The following RPL7A variants were observed in gnomAD, a reference collection of about 807,000 sequenced individuals.
RPL7A encodes large ribosomal subunit protein eL8.
For missense variants in RPL7A, 291 were observed against 338.2 expected (o/e 0.86, Z 1.09); for synonymous variants, 158 against 128.2 (o/e 1.23, Z -1.57).
rs2129987098 is a variant in RPL7A at position 133,349,541 on chromosome 9, T to A, written c.125-10T>A. 3 of 1,614,084 alleles carry A rather than the reference T, an allele frequency of 1.9e-6. No individual in the cohort carries two copies. Among genetic ancestry groups the A allele is most frequent in the Non-Finnish European group, 2.5e-6 (3 of 1,179,954 alleles). On this transcript the variant is annotated splice_polypyrimidine_tract_variant and intron_variant, in intron 2 of 7. Coordinates refer to ENST00000323345, the MANE Select transcript of RPL7A (RefSeq NM_000972.3). ...TTGAGCCTCACTCGGTGTCACCCTTTACTTCTCAGGACAGGACATCCAGCC... is the reference window on the plus strand; with the variant it reads ...TTGAGCCTCACTCGGTGTCACCCTTAACTTCTCAGGACAGGACATCCAGCC...
intron 1 of RPL7A, chr9:133,348,523 C>T: frequency 3.3e-6 from 2 of 602,730 alleles, no homozygotes; most frequent in Non-Finnish European, 5.9e-6. Flanking sequence ...CAGTGCGGGG[C>T]TCGGAGCCCT....
At chr9:133,351,189 T>C (rs1467912544) in intron 7 of RPL7A, 73 bp from the exon 8 acceptor site, 1 of 1,549,830 alleles carries the variant, frequency 6.5e-7, no homozygotes, top group East Asian at 2.3e-5. Flanking sequence ...CCAAACAGAA[T>C]TAACGCAACT....
At chr9:133,348,723 C>A in intron 1 of RPL7A, 199 bp from the exon 2 acceptor site, 1 of 833,134 alleles carries the variant, frequency 1.2e-6, no homozygotes, top group Non-Finnish European at 2.0e-6. Flanking sequence ...ACTCGGGGTT[C>A]CCGGGGCTGC....
rs1273979871 is a variant in RPL7A at position 133,350,229 on chromosome 9, G to T, written c.416-11G>T. On this transcript the variant is annotated splice_polypyrimidine_tract_variant and intron_variant, in intron 4 of 7. Transcript: ENST00000323345. ...CCCTGTGAGTGCTCACAAAGTGGTT[G>T]TGTGTTCTAGGAGTTAACACCGTCA... The T allele has an allele frequency of 1.9e-6, 3 of 1,613,886 alleles. No individual in the cohort carries two copies. Among genetic ancestry groups the T allele is most frequent in the East Asian group, 2.2e-5 (1 of 44,880 alleles).
Position 133,349,852 on chromosome 9 carries a change from T to C in RPL7A, c.275-60T>C, listed in dbSNP as rs1022293807. 1.9e-6 allele frequency: 3 copies of C among 1,597,272 alleles called. No individual in the cohort carries two copies. In the East Asian group the frequency reaches 6.7e-5, roughly 36 times the overall value. ...CCGCAGTCCAGCATTTGTTATTAAG[T>C]GTTAAGTGACAAGGATTAGAACCTT... On this transcript the variant is annotated intron_variant, in intron 3 of 7. Transcript: ENST00000323345.
At chr9:133,348,550 G>C in intron 1 of RPL7A, 2 of 595,250 alleles carry the variant, frequency 3.4e-6, no homozygotes, top group Non-Finnish European at 6.0e-6. Flanking sequence ...TCTCGGGCTT[G>C]CTGGGGGCCG....
In RPL7A at chr9:133,349,960, A is replaced by G; in HGVS notation, c.323A>G (p.Gln108Arg). The change falls in exon 4 of 8, where the codon CAA becomes CGA. Residue 108 changes from glutamine (Q) to arginine (R), a missense_variant. Physicochemically the swap from Gln to Arg is conservative, Grantham distance 43. Transcript: ENST00000323345. ...CACAAGTACAGACCAGAGACAAAGC[A>G]AGAGAAGAAGCAGAGACTGTTGGCC... The part of the protein sequence containing the change: ...LAHKYRPETK[Q>R]EKKQRLLARA... 1 of 1,612,052 alleles carries G rather than the reference A, an allele frequency of 6.2e-7. No homozygotes were observed. The highest frequency in any genetic ancestry group is 1.1e-5 in the South Asian group (1 of 91,000).
chr9:133,348,229 C>T lies in RPL7A; in HGVS notation c.-15C>T, dbSNP rs1229339928. On this transcript the variant is annotated 5_prime_UTR_variant, in exon 1 of 8. Coordinates refer to ENST00000323345, the MANE Select transcript of RPL7A (RefSeq NM_000972.3). ...CACAATTCCCTTTCCTTTCTCTCTC[C>T]TCCCGCCGCCCAAGATGGTGAGTGA... 3 of 1,614,006 alleles carry T rather than the reference C, an allele frequency of 1.9e-6. No homozygotes were observed. Among genetic ancestry groups the T allele is most frequent in the Non-Finnish European group, 2.5e-6 (3 of 1,180,006 alleles).
In RPL7A at chr9:133,350,034, C is replaced by G. The variant is rs2129990815; in HGVS notation, c.397C>G (p.Pro133Ala). The G allele has an allele frequency of 6.2e-7, 1 of 1,613,698 alleles. No homozygotes were observed. The highest frequency in any genetic ancestry group is 1.1e-5 in the South Asian group (1 of 91,050). The change falls in exon 4 of 8, where the codon CCA (proline) becomes GCA (alanine). Residue 133 changes from proline (P) to alanine (A), a missense_variant. Physicochemically the swap from Pro to Ala is conservative, Grantham distance 27. Transcript: ENST00000323345. ...CAAAGGGGACGTCCCAACGAAGAGA[C>G]CACCTGTCCTTCGAGCAGGTGAGTA... ...AGKGDVPTKRPPVLRAGVNTV... is the reference protein window; with the variant it reads ...AGKGDVPTKRAPVLRAGVNTV...
At position 133,351,025 on chromosome 9, in the gene RPL7A, A is replaced by G. The variant is rs1181381112; in HGVS notation, c.650A>G (p.Lys217Arg). The G allele has an allele frequency of 6.2e-7, 1 of 1,614,058 alleles. No individual in the cohort carries two copies. Among genetic ancestry groups the G allele is most frequent in the African/African-American group, 1.3e-5 (1 of 74,938 alleles). The change falls in exon 7 of 8, where the codon AAG becomes AGG. Residue 217 changes from lysine (K) to arginine (R), a missense_variant. Physicochemically the swap from Lys to Arg is conservative, Grantham distance 26. Coordinates refer to ENST00000323345, the MANE Select transcript of RPL7A (RefSeq NM_000972.3). ...AGGGAAGACAAAGGCGCTTTGGCTA[A>G]GCTGGTGGAAGCTATCAGGACCAAT... ...VNSEDKGALA[K>R]LVEAIRTNYN...
intron 1 of RPL7A, chr9:133,348,535 G>T: frequency 5.0e-6 from 3 of 599,682 alleles, no homozygotes; most frequent in Non-Finnish European, 8.9e-6. Context: ...CGGAGCCCTA[G>T]CGTCTCTCGG....
At chr9:133,349,081 T>C in intron 2 of RPL7A, 39 bp downstream of exon 2, 1 of 1,608,084 alleles carries the variant, frequency 6.2e-7, no homozygotes, top group Non-Finnish European at 8.5e-7. Flanking sequence ...GTCTATGTTT[T>C]TCTCAAGGGA....
At position 133,348,255 on chromosome 9, in the gene RPL7A, G is replaced by A. The variant is rs2129977281; in HGVS notation, c.3+9G>A. Reference sequence around the variant, plus strand: ...TCCCGCCGCCCAAGATGGTGAGTGAGCTGTAGTTCCGTGGCACTATAGCCA... The same window carrying A: ...TCCCGCCGCCCAAGATGGTGAGTGAACTGTAGTTCCGTGGCACTATAGCCA... On this transcript the variant is annotated intron_variant, in intron 1 of 7. Coordinates refer to ENST00000323345, the MANE Select transcript of RPL7A (RefSeq NM_000972.3). 1.2e-5 allele frequency: 20 copies of A among 1,613,998 alleles called. No homozygotes were observed. Among genetic ancestry groups the A allele is most frequent in the Admixed American group, 5.0e-5 (3 of 60,008 alleles).
chr9:133,350,772 T>C (rs1836375803), intron 6 of RPL7A, 45 bp downstream of exon 6: 1 of 1,607,616 alleles, frequency 6.2e-7, no homozygotes, highest in East Asian at 2.2e-5. Context: ...GTTCATTTAA[T>C]CCATGCCTCA....
intron 2 of RPL7A, 174 bp from the exon 3 acceptor site, chr9:133,349,375 CTT>C (rs1564343653): frequency 1.1e-6 from 1 of 938,934 alleles, no homozygotes; most frequent in Non-Finnish European, 1.8e-6. Flanking sequence ...GCATCGTGCT[CTT>C]TGTTCTCAGG....
At chr9:133,350,812 T>C (rs1261549321) in intron 6 of RPL7A, 85 bp downstream of exon 6, 2 of 1,584,394 alleles carry the variant, frequency 1.3e-6, no homozygotes, top group African/African-American at 2.7e-5. Flanking sequence ...TAAAGGCCAA[T>C]CTTTTAGTTT....
Position 133,348,458 on chromosome 9 carries a change from C to G in RPL7A, c.3+212C>G, listed in dbSNP as rs1451769419. The G allele has an allele frequency of 5.9e-6, 4 of 674,072 alleles. No homozygotes were observed. The African/African-American group carries it at 7.2e-5, about 12-fold the overall frequency. The allele number at this position is 674,072 out of a possible 1,614,324, so 41.8% of individuals were successfully genotyped here. On this transcript the variant is annotated intron_variant, in intron 1 of 7. Coordinates refer to ENST00000323345, the MANE Select transcript of RPL7A (RefSeq NM_000972.3). Reference sequence around the variant, plus strand: ...GACTAGAGCCCCGGGCGGCCGAGAGCGGAATGCGTTGTTCCCGGTGTCGCA... The same window carrying G: ...GACTAGAGCCCCGGGCGGCCGAGAGGGGAATGCGTTGTTCCCGGTGTCGCA...
At chr9:133,348,300 G>T (rs1028607359) in intron 1 of RPL7A, 54 bp downstream of exon 1, 1 of 1,613,590 alleles carries the variant, frequency 6.2e-7, no homozygotes, top group Admixed American at 1.7e-5. Context: ...TGTATCCGCT[G>T]CCATCCTCCT....
intron 3 of RPL7A, 38 bp from the exon 4 acceptor site, chr9:133,349,874 C>A (rs2129989294): frequency 6.2e-7 from 1 of 1,607,166 alleles, no homozygotes; most frequent in African/African-American, 1.3e-5. Context: ...AGGATTAGAA[C>A]CTTGACTCCA....
Sources: allele counts gnomAD v4.1 joint callset, GRCh38; gene constraint gnomAD v4.1.1; transcripts MANE v1.5; gene names NCBI Gene and HGNC (gene_info 2026-07-23, HGNC 2026-07-21).